USP54: variants seen among roughly 807,000 people sequenced by gnomAD.
The protein encoded by USP54 is ubiquitin carboxyl-terminal hydrolase 54.
Under a neutral mutation model 170.5 loss-of-function variants are expected in USP54, and 87 were observed. The ratio of observed to expected loss-of-function variants is 0.51; its 90% CI spans 0.43 to 0.61. USP54 has a LOEUF of 0.61. USP54 is among the 20% of genes least tolerant of loss of function. The pLI, the probability that USP54 is intolerant of heterozygous loss-of-function variation, is 0.00. For missense variants in USP54, 1,786 were observed against 2,047.8 expected (o/e 0.87, Z 2.47); for synonymous variants, 655 against 742.8 (o/e 0.88, Z 1.92).
chr10:73,531,043 A>T (rs2063861264), intron 12 of USP54, among the ~76,000 whole-genome samples: 1 of 152,084 alleles, frequency 6.6e-6, no homozygotes, highest in African/African-American at 2.4e-5. Context: ...CACACCTATA[A>T]TTGCAGCACT....
chr10:73,609,999 G>A lies in USP54; in HGVS notation c.-18+15568C>T, dbSNP rs926307286. On this transcript the variant is annotated intron_variant, in intron 1 of 22. Coordinates refer to the USP54 transcript ENST00000339859. ...CACTCCAGCCTTGGTGATAGAGCAA[G>A]ACTCTGTCTCCAAAAAAAAAAAAAA... Among the ~76,000 whole-genome samples, 4 of 148,136 alleles carry A rather than the reference G, an allele frequency of 2.7e-5. No individual in the cohort carries two copies. The South Asian group carries it at 8.6e-4, about 32-fold the overall frequency.
chr10:73,576,506 G>GAAAAAAAAA (rs112010968), intron 1 of USP54, 145 bp from the exon 2 acceptor site: 1 of 74,880 alleles, frequency 1.3e-5, no homozygotes, highest in Non-Finnish European at 2.8e-5. Flanking sequence ...AAGAAAAAAA[G>GAAAAAAAAA]AAAAAAAAAA....
At chr10:73,527,470 C>A (rs944403380) in intron 15 of USP54, among the ~76,000 whole-genome samples, 1 of 146,728 alleles carries the variant, frequency 6.8e-6, no homozygotes, top group Admixed American at 6.9e-5. Context: ...TGCACTCCAG[C>A]CTGGTGACAG....
chr10:73,498,994 G>A lies in USP54; in HGVS notation c.4690C>T (p.Pro1564Ser). ...TRFLTTPGCNPQLTYTATLPE... is the reference protein window; with the variant it reads ...TRFLTTPGCNSQLTYTATLPE... ...AGTGTGGCAGTGTAGGTTAGTTGAG[G>A]ATTGCACCCTGGAGTAGTCAGGAAT... Residue 1564 changes from proline to serine, a missense_variant, in exon 24 of 24, where the codon CCT becomes TCT. This residue lies in a region of USP54 where 1,418 missense variants were observed against 1,569.0 expected (regional missense o/e 0.90). Transcript: ENST00000687698. The A allele has an allele frequency of 6.2e-7, 1 of 1,614,114 alleles. No homozygotes were observed. The highest frequency in any genetic ancestry group is 8.5e-7 in the Non-Finnish European group (1 of 1,180,034).
At chr10:73,564,139 C>T (rs537627667) in intron 4 of USP54, among the ~76,000 whole-genome samples, 5 of 152,126 alleles carry the variant, frequency 3.3e-5, no homozygotes, top group East Asian at 3.9e-4. Context: ...GTAGCTGGGC[C>T]GACAGGTGCG....
intron 1 of USP54, among the ~76,000 whole-genome samples, chr10:73,613,525 G>GA (rs973555036): frequency 5.3e-4 from 80 of 151,740 alleles, no homozygotes; most frequent in African/African-American, 1.8e-3. Context: ...GTCAAAATAA[G>GA]AAAAAAATTG....
intron 4 of USP54, among the ~76,000 whole-genome samples, chr10:73,560,948 T>C (rs1590401715): frequency 7.2e-6 from 1 of 138,702 alleles, no homozygotes; most frequent in Non-Finnish European, 1.6e-5. Context: ...ACTAAAAAAA[T>C]ACAAAAATTA....
intron 1 of USP54, among the ~76,000 whole-genome samples, chr10:73,587,773 G>A (rs546729635): frequency 2.0e-5 from 3 of 152,100 alleles, no homozygotes; most frequent in Non-Finnish European, 4.4e-5. Context: ...ATGTAGATAC[G>A]TATAATTAGC....
At position 73,523,628 on chromosome 10, in the gene USP54, G is replaced by A. The variant is rs2062278007; in HGVS notation, c.2317C>T (p.Pro773Ser). ...AAGTCCATGAAGCGGCTAGGATGAG[G>A]GTTAAACCCTTTCGCTGCCTCTAAC... Reference protein sequence around the residue: ...KELEAAKGFNPHPSRFMDLDE... With the variant: ...KELEAAKGFNSHPSRFMDLDE... Residue 773 changes from proline to serine, a missense_variant, in exon 17 of 24, where the codon CCT becomes TCT. By Grantham distance (74) the Pro-to-Ser change is moderately conservative (BLOSUM62 -1). This residue lies in a region of USP54 where 1,418 missense variants were observed against 1,569.0 expected (regional missense o/e 0.90). Coordinates refer to ENST00000687698, the MANE Select transcript of USP54 (RefSeq NM_001391956.1). The A allele has an allele frequency of 1.2e-6, 2 of 1,613,190 alleles. No individual in the cohort carries two copies. Among genetic ancestry groups the A allele is most frequent in the Non-Finnish European group, 1.7e-6 (2 of 1,179,376 alleles).
chr10:73,503,514 A>G (rs976685036), intron 22 of USP54, among the ~76,000 whole-genome samples: 1 of 152,208 alleles, frequency 6.6e-6, no homozygotes, highest in Non-Finnish European at 1.5e-5. Context: ...ATTTAAAAGA[A>G]TGAATCAATG....
intron 20 of USP54, 99 bp from the exon 21 acceptor site, chr10:73,505,525 A>T: frequency 1.1e-6 from 1 of 895,346 alleles, no homozygotes. Flanking sequence ...TGTTTCATTT[A>T]ATAATAAATA....
At chr10:73,545,282 T>G (rs887895517) in intron 5 of USP54, among the ~76,000 whole-genome samples, 15 of 152,180 alleles carry the variant, frequency 9.9e-5, no homozygotes, top group African/African-American at 3.4e-4. Flanking sequence ...ATCTGTATTT[T>G]AATGAGCCTT....
intron 4 of USP54, among the ~76,000 whole-genome samples, chr10:73,567,672 C>T (rs1471650294): frequency 6.6e-6 from 1 of 151,974 alleles, no homozygotes; most frequent in African/African-American, 2.4e-5. Flanking sequence ...AACTCCATCT[C>T]AAAGAAAAAA....
intron 11 of USP54, 41 bp downstream of exon 11, chr10:73,536,227 TG>T: frequency 4.4e-6 from 7 of 1,607,896 alleles, no homozygotes; most frequent in Non-Finnish European, 5.9e-6. Flanking sequence ...TTTGATCGCA[TG>T]GGGTGAGGAG....
chr10:73,501,779 T>G (rs1264015196), intron 22 of USP54, among the ~76,000 whole-genome samples: 2 of 152,126 alleles, frequency 1.3e-5, no homozygotes, highest in Non-Finnish European at 2.9e-5. Flanking sequence ...CACACCAAGC[T>G]CATTGCTACC....
At chr10:73,552,749 C>A (rs2069834380) in intron 4 of USP54, among the ~76,000 whole-genome samples, 1 of 152,136 alleles carries the variant, frequency 6.6e-6, no homozygotes. Context: ...TGAGATCACA[C>A]CACTGTACTC....
chr10:73,580,286 T>C (rs1179637645), intron 1 of USP54, among the ~76,000 whole-genome samples: 1 of 131,198 alleles, frequency 7.6e-6, no homozygotes, highest in Non-Finnish European at 1.6e-5. Context: ...GCCACTGCAC[T>C]CCAACCTAGG....
At position 73,557,487 on chromosome 10, in the gene USP54, A is replaced by AT. The variant is rs60308315; in HGVS notation, c.241-11816dup. ...AGGTGCCGCCCACCACACCTGGCTA[A>AT]TTTTTTTTTTTTTTTTTGAGACGGA... On this transcript the variant is annotated intron_variant, in intron 4 of 23. Coordinates refer to ENST00000687698, the MANE Select transcript of USP54 (RefSeq NM_001391956.1). Among the ~76,000 whole-genome samples the AT allele has an allele frequency of 2.6e-3, 342 of 134,096 alleles. 1 individual carries two copies. The highest frequency in any genetic ancestry group is 0.014 in the South Asian group (61 of 4,270). The allele number at this position is 134,096 out of a possible 152,430, so 88.0% of individuals were successfully genotyped here. A position where few individuals can be genotyped will look rare whatever the true frequency, so the allele number is the denominator to read the frequency against.
chr10:73,579,254 G>C (rs2132119074), intron 1 of USP54, among the ~76,000 whole-genome samples: 1 of 152,068 alleles, frequency 6.6e-6, no homozygotes, highest in Non-Finnish European at 1.5e-5. Context: ...CCCGGACAAA[G>C]ATTCCTTAGA....
Sources: allele counts gnomAD v4.1 joint callset (sites outside exome capture counted in the v4.1 genomes callset), GRCh38; gene constraint gnomAD v4.1.1; regional missense constraint gnomAD v4.1.1; transcripts MANE v1.5; gene names NCBI Gene and HGNC (gene_info 2026-07-23, HGNC 2026-07-21).